The following PRKN variants were observed in gnomAD, a reference collection of about 807,000 sequenced individuals.
The protein encoded by PRKN is parkin RBR E3 ubiquitin protein ligase.
Under a neutral mutation model 59.5 loss-of-function variants are expected in PRKN, and 56 were observed. That is an observed-to-expected ratio of 0.94 (90% CI 0.76 to 1.18). The LOEUF is 1.18. PRKN is among the 50% of genes most tolerant of loss of function. The pLI, the probability that PRKN is intolerant of heterozygous loss-of-function variation, is 0.00. For missense variants in PRKN, 657 were observed against 596.4 expected, an observed-to-expected ratio of 1.10 and a Z score of -1.06; for synonymous variants, 250 against 222.1, an observed-to-expected ratio of 1.13 and a Z score of -1.12.
intron 1 of PRKN, among the ~76,000 whole-genome samples, chr6:162,480,747 A>C (rs1174742309): frequency 6.6e-6 from 1 of 152,160 alleles, no homozygotes; most frequent in African/African-American, 2.4e-5. Flanking sequence ...ATAAAGAAGA[A>C]GTCAAACCCA....
chr6:161,349,991 T>TGCGC lies in PRKN; in HGVS notation c.*104_*107dup, dbSNP rs544293869. On this transcript the variant is annotated 3_prime_UTR_variant, in exon 12 of 12. Coordinates refer to ENST00000366898, the MANE Select transcript of PRKN (RefSeq NM_004562.3). The surrounding 1 kb of genome is among the most constrained non-coding windows in gnomAD (Gnocchi z 5.5). ...TTGAAAAAAACTTGAAGAGTGTGTG[T>TGCGC]GCGCGCGCGCGCGTGTGTGTGTGTG... is the stretch of plus-strand genomic sequence containing the variant. 6.4e-6 allele frequency: 5 copies of TGCGC among 775,330 alleles called. No individual in the cohort carries two copies. The highest frequency in any genetic ancestry group is 4.4e-5 in the South Asian group (3 of 68,612). The allele number at this position is 775,330 out of a possible 1,614,324, so 48.0% of individuals were successfully genotyped here.
intron 7 of PRKN, among the ~76,000 whole-genome samples, chr6:161,674,016 T>A (rs1338441977): frequency 3.9e-5 from 6 of 152,170 alleles, no homozygotes; most frequent in Non-Finnish European, 7.4e-5. Context: ...GCTAAAGCTA[T>A]ACATTTTGGA....
chr6:161,395,258 C>T lies in PRKN; in HGVS notation c.1084-8381G>A, dbSNP rs769272740. On this transcript the variant is annotated intron_variant, in intron 9 of 11. Transcript: ENST00000366898. This position sits in a 1 kb window ranked among gnomAD's most constrained non-coding sequence, Gnocchi z 5.0. Reference sequence around the variant, plus strand: ...TGCTGTACTCTGCTTGTTGGTTTTTCGTTTAATGCATGCTACAGATGGCTG... The same window carrying T: ...TGCTGTACTCTGCTTGTTGGTTTTTTGTTTAATGCATGCTACAGATGGCTG... Among the ~76,000 whole-genome samples the T allele has an allele frequency of 3.9e-5, 6 of 152,060 alleles. No individual in the cohort carries two copies. The highest frequency in any genetic ancestry group is 7.4e-5 in the Non-Finnish European group (5 of 68,004).
intron 1 of PRKN, among the ~76,000 whole-genome samples, chr6:162,579,249 T>C (rs1196617819): frequency 6.6e-6 from 1 of 152,188 alleles, no homozygotes; most frequent in Non-Finnish European, 1.5e-5. Context: ...ATTCCTCTAC[T>C]TAGAATGACT....
intron 2 of PRKN, among the ~76,000 whole-genome samples, chr6:162,366,672 G>A (rs989697042): frequency 2.0e-5 from 3 of 152,164 alleles, no homozygotes; most frequent in East Asian, 1.9e-4. Flanking sequence ...TTGGGAGGCC[G>A]AGGTGGGTGG....
At chr6:162,224,612 A>T (rs1173358902) in intron 3 of PRKN, among the ~76,000 whole-genome samples, 1 of 152,166 alleles carries the variant, frequency 6.6e-6, no homozygotes, top group Non-Finnish European at 1.5e-5. Context: ...TCCCAGTTGG[A>T]GGAGAGAAGC....
chr6:162,034,633 T>A lies in PRKN; in HGVS notation c.618+19458A>T, dbSNP rs1465095398. ...TTTGGTACTGATTTTGTTAACACAC[T>A]TTTCCAAGTAGCCTTATAAATCAAA... On this transcript the variant is annotated intron_variant, in intron 5 of 11. Coordinates refer to ENST00000366898, the MANE Select transcript of PRKN (RefSeq NM_004562.3). 6.6e-5 allele frequency among the ~76,000 whole-genome samples: 10 copies of A among 152,332 alleles called. No individual in the cohort carries two copies. In the South Asian group the frequency reaches 2.1e-3, roughly 32 times the overall value.
intron 7 of PRKN, among the ~76,000 whole-genome samples, chr6:161,673,029 C>T (rs1784964349): frequency 6.6e-6 from 1 of 152,130 alleles, no homozygotes; most frequent in African/African-American, 2.4e-5. Context: ...TATAAAGCAA[C>T]AGGACTGATG....
At chr6:162,191,311 T>C (rs1304878047) in intron 4 of PRKN, among the ~76,000 whole-genome samples, 2 of 152,236 alleles carry the variant, frequency 1.3e-5, no homozygotes, top group African/African-American at 4.8e-5. Flanking sequence ...TGTTTCCATG[T>C]GGCAAACACT....
chr6:162,312,678 G>A (rs981964160), intron 2 of PRKN, among the ~76,000 whole-genome samples: 1 of 152,106 alleles, frequency 6.6e-6, no homozygotes, highest in Non-Finnish European at 1.5e-5. Context: ...ATTTACATAA[G>A]TGGTTCTTGA....
At chr6:162,265,706 A>C (rs1388881638) in intron 2 of PRKN, among the ~76,000 whole-genome samples, 1 of 152,024 alleles carries the variant, frequency 6.6e-6, no homozygotes, top group Non-Finnish European at 1.5e-5. Flanking sequence ...ACTTCCCAGA[A>C]AGCTTCTACC....
At chr6:162,338,036 T>G (rs561117038) in intron 2 of PRKN, among the ~76,000 whole-genome samples, 1 of 152,142 alleles carries the variant, frequency 6.6e-6, no homozygotes, top group African/African-American at 2.4e-5. Flanking sequence ...TCCGATAAGT[T>G]TGGAACATGC....
intron 4 of PRKN, among the ~76,000 whole-genome samples, chr6:162,068,793 C>A (rs1778447186): frequency 8.0e-6 from 1 of 124,598 alleles, no homozygotes; most frequent in Non-Finnish European, 1.6e-5. Flanking sequence ...TTAGAGAAAG[C>A]AATTTCACAT....
At chr6:161,681,636 T>C (rs1785368280) in intron 7 of PRKN, among the ~76,000 whole-genome samples, 1 of 152,176 alleles carries the variant, frequency 6.6e-6, no homozygotes, top group African/African-American at 2.4e-5. Flanking sequence ...GCCAGGTGGC[T>C]TCGCTCCTGG....
rs947882528 is a variant in PRKN, at chr6:161,550,506, A to G, written c.934-1503T>C. On this transcript the variant is annotated intron_variant, in intron 8 of 11. Transcript: ENST00000366898. The surrounding 1 kb of genome is among the most constrained non-coding windows in gnomAD (Gnocchi z 4.0). ...GCTTATGTCAACATCTATGCAAAAG[A>G]TGGCACTGGCTTGAACCGGGAAGGT... Among the ~76,000 whole-genome samples, 7 of 152,206 alleles carry G rather than the reference A, an allele frequency of 4.6e-5. No individual in the cohort carries two copies. The highest frequency in any genetic ancestry group is 2.1e-4 in the South Asian group (1 of 4,834).
intron 2 of PRKN, among the ~76,000 whole-genome samples, chr6:162,283,659 T>G (rs1781030521): frequency 6.6e-6 from 1 of 152,206 alleles, no homozygotes; most frequent in Non-Finnish European, 1.5e-5. Context: ...TAGCTGGGAT[T>G]GCAGGTATGC....
intron 5 of PRKN, among the ~76,000 whole-genome samples, chr6:161,975,487 G>A (rs1780993216): frequency 6.6e-6 from 1 of 152,050 alleles, no homozygotes. Flanking sequence ...CCCCTTATAC[G>A]TTTGACAGCA....
At chr6:161,430,649 A>G (rs1788596431) in intron 9 of PRKN, among the ~76,000 whole-genome samples, 1 of 151,502 alleles carries the variant, frequency 6.6e-6, no homozygotes, top group South Asian at 2.1e-4. Flanking sequence ...CCCTGTCTCT[A>G]CTAAAAATAC....
chr6:161,961,152 G>A (rs970982029), intron 6 of PRKN, among the ~76,000 whole-genome samples: 15 of 152,150 alleles, frequency 9.9e-5, no homozygotes, highest in African/African-American at 3.1e-4. Context: ...TCTGGACTGA[G>A]CGCACAAGAA....
Sources: gnomAD v4.1 joint callset for allele counts (sites outside exome capture counted in the v4.1 genomes callset) on GRCh38, gnomAD v4.1.1 for gene constraint, Gnocchi (gnomAD v3.1) non-coding constraint, MANE v1.5 for transcripts, NCBI Gene and HGNC (gene_info 2026-07-23, HGNC 2026-07-21) for gene names.